The following LDLRAD3 variants were observed in gnomAD, a reference collection of about 807,000 sequenced individuals.
LDLRAD3 encodes the protein low density lipoprotein receptor class A domain containing 3, also known as low-density lipoprotein receptor class A domain-containing protein 3.
A neutral mutation model predicts 29.4 loss-of-function variants in LDLRAD3; 20 were observed. The observed-to-expected ratio is 0.68, with a 90% CI of 0.48 to 0.99. LDLRAD3 has a LOEUF of 0.99. Ranked by LOEUF, LDLRAD3 falls within the 50% of genes least tolerant of loss-of-function variation. The pLI, the probability that LDLRAD3 is intolerant of heterozygous loss-of-function variation, is 0.00. For synonymous variants in LDLRAD3, 157 were observed against 192.7 expected (o/e 0.81, Z 1.53); for missense variants, 420 against 454.3 (o/e 0.92, Z 0.69).
At chr11:36,062,266 G>C (rs576900077) in intron 2 of LDLRAD3, among the ~76,000 whole-genome samples, 1 of 152,302 alleles carries the variant, frequency 6.6e-6, no homozygotes, top group Admixed American at 6.5e-5. Context: ...TAAAGTTTCT[G>C]TAAATCTGAA....
At chr11:36,123,570 A>G (rs899494235) in intron 4 of LDLRAD3, among the ~76,000 whole-genome samples, 6 of 152,370 alleles carry the variant, frequency 3.9e-5, no homozygotes, top group Middle Eastern at 3.4e-3. Context: ...GCAGATAAAT[A>G]TATTCTATCT....
chr11:35,968,271 T>C, intron 1 of LDLRAD3: 1 of 393,888 alleles, frequency 2.5e-6, no homozygotes. Flanking sequence ...TGAGGTCATC[T>C]CATCCTTGGG....
At chr11:36,044,012 C>T (rs1303168089) in intron 2 of LDLRAD3, among the ~76,000 whole-genome samples, 1 of 152,160 alleles carries the variant, frequency 6.6e-6, no homozygotes, top group Non-Finnish European at 1.5e-5. Context: ...TTAAATGTCT[C>T]ACCTAATTCC....
chr11:36,125,196 G>T (rs75770480), intron 4 of LDLRAD3, among the ~76,000 whole-genome samples: 5,637 of 152,148 alleles, frequency 0.037, 220 homozygotes, highest in African/African-American at 0.09. Context: ...TGTAAGCAGG[G>T]ATCATACTTG....
chr11:36,218,066 T>C (rs969634168), intron 4 of LDLRAD3, among the ~76,000 whole-genome samples: 1 of 152,224 alleles, frequency 6.6e-6, no homozygotes, highest in Non-Finnish European at 1.5e-5. Context: ...TTAAAAGTGT[T>C]AGAATGTGTA....
intron 4 of LDLRAD3, among the ~76,000 whole-genome samples, chr11:36,195,036 T>C (rs566409083): frequency 6.6e-5 from 10 of 152,298 alleles, no homozygotes; most frequent in East Asian, 1.9e-4. Context: ...AGTCTTACCA[T>C]GTGCAAAGTG....
chr11:36,033,930 CA>C (rs1852272194), intron 1 of LDLRAD3, among the ~76,000 whole-genome samples: 1 of 152,158 alleles, frequency 6.6e-6, no homozygotes, highest in South Asian at 2.1e-4. Flanking sequence ...GGAGAAATTG[CA>C]GCAGAATAGG....
chr11:36,159,443 T>C (rs921295655), intron 4 of LDLRAD3, among the ~76,000 whole-genome samples: 38 of 151,592 alleles, frequency 2.5e-4, no homozygotes, highest in East Asian at 1.9e-4. Flanking sequence ...GACTCCAGCC[T>C]GAGCAACAGA....
At chr11:36,144,717 G>A (rs1252512695) in intron 4 of LDLRAD3, among the ~76,000 whole-genome samples, 1 of 135,562 alleles carries the variant, frequency 7.4e-6, no homozygotes, top group Non-Finnish European at 1.6e-5. Context: ...GGGAAGTGAG[G>A]AGCGTCTCCG....
chr11:36,148,196 C>G (rs1382481396), intron 4 of LDLRAD3, among the ~76,000 whole-genome samples: 1 of 152,114 alleles, frequency 6.6e-6, no homozygotes, highest in African/African-American at 2.4e-5. Flanking sequence ...TTCTGTTTTT[C>G]TTATTAAATA....
intron 4 of LDLRAD3, among the ~76,000 whole-genome samples, chr11:36,183,814 A>G (rs893178707): frequency 2.6e-5 from 4 of 152,128 alleles, no homozygotes; most frequent in Admixed American, 2.6e-4. Flanking sequence ...GTTCTGAATA[A>G]TTCTTCTTGA....
At position 35,953,209 on chromosome 11, in the gene LDLRAD3, A is replaced by G. The variant is rs1380724137; in HGVS notation, c.46+9065A>G. On this transcript the variant is annotated intron_variant, in intron 1 of 5. Transcript: ENST00000315571. ...ATCCAACTGTGATTTTTGACAGACAAATAGCGCAGTGTGCAGACGATGTTG... is the reference window on the plus strand; with the variant it reads ...ATCCAACTGTGATTTTTGACAGACAGATAGCGCAGTGTGCAGACGATGTTG... 6.6e-5 allele frequency among the ~76,000 whole-genome samples: 10 copies of G among 152,308 alleles called. No homozygotes were observed. The East Asian group carries it at 1.9e-3, about 29-fold the overall frequency.
In LDLRAD3 at chr11:35,944,779, C is replaced by T. The variant is rs1851035493; in HGVS notation, c.46+635C>T. ...CCGAAGCTTTATTTAAGACGTCTGA[C>T]CACCCTACTTGCCCCGCGATGGGCG... On this transcript the variant is annotated intron_variant, in intron 1 of 5. Coordinates refer to ENST00000315571, the MANE Select transcript of LDLRAD3 (RefSeq NM_174902.4). This position sits in a 1 kb window ranked among gnomAD's most constrained non-coding sequence, Gnocchi z 4.9. Among the ~76,000 whole-genome samples the T allele has an allele frequency of 6.6e-6, 1 of 152,214 alleles. No homozygotes were observed. The highest frequency in any genetic ancestry group is 2.4e-5 in the African/African-American group (1 of 41,446).
intron 1 of LDLRAD3, among the ~76,000 whole-genome samples, chr11:35,965,840 T>TA (rs1015690093): frequency 3.5e-4 from 54 of 152,160 alleles, no homozygotes; most frequent in African/African-American, 1.1e-3. Flanking sequence ...AATCCAACAG[T>TA]AAAAAAAGCC....
intron 3 of LDLRAD3, among the ~76,000 whole-genome samples, chr11:36,088,318 C>T (rs924488235): frequency 2.6e-5 from 4 of 152,102 alleles, no homozygotes; most frequent in African/African-American, 9.7e-5. Context: ...GGCTCTCACC[C>T]CAGTCCTCAT....
chr11:36,025,938 CCCAG>C (rs1178628369), intron 1 of LDLRAD3, among the ~76,000 whole-genome samples: 1 of 151,514 alleles, frequency 6.6e-6, no homozygotes, highest in African/African-American at 2.4e-5. Flanking sequence ...CACCACCAAG[CCCAG>C]CTAATTTTTG....
At chr11:36,035,921 A>G (rs534460333) in intron 1 of LDLRAD3, among the ~76,000 whole-genome samples, 182 bp from the exon 2 acceptor site, 1 of 152,328 alleles carries the variant, frequency 6.6e-6, no homozygotes, top group East Asian at 1.9e-4. Context: ...GTCCTCTCAG[A>G]ATCTCTGGAG....
At chr11:36,079,598 A>T (rs187889364) in intron 2 of LDLRAD3, among the ~76,000 whole-genome samples, 73 of 152,288 alleles carry the variant, frequency 4.8e-4, no homozygotes, top group African/African-American at 1.5e-3. Context: ...GTCATAGGTA[A>T]AGAAAGGCAG....
chr11:36,143,959 C>T (rs1210303353), intron 4 of LDLRAD3, among the ~76,000 whole-genome samples: 1 of 139,962 alleles, frequency 7.1e-6, no homozygotes, highest in Non-Finnish European at 1.5e-5. Context: ...TCTCTTGCCA[C>T]GGTCTCCCTC....
Sources: allele counts gnomAD v4.1 joint callset (sites outside exome capture counted in the v4.1 genomes callset), GRCh38; gene constraint gnomAD v4.1.1; non-coding constraint Gnocchi (gnomAD v3.1); transcripts MANE v1.5; gene names NCBI Gene and HGNC (gene_info 2026-07-23, HGNC 2026-07-21).